RAPGEF5: variants seen among roughly 807,000 people sequenced by gnomAD.
The protein encoded by RAPGEF5 is M-Ras-regulated GEF.
Under a neutral mutation model 125.2 loss-of-function variants are expected in RAPGEF5, and 65 were observed. The ratio of observed to expected loss-of-function variants is 0.52; its 90% CI spans 0.43 to 0.64. The LOEUF is 0.64. Ranked by LOEUF, RAPGEF5 falls within the 30% of genes least tolerant of loss-of-function variation. The pLI is 0.00. For synonymous variants in RAPGEF5, 391 were observed against 385.9 expected (o/e 1.01, Z -0.16); for missense variants, 958 against 1,048.1 (o/e 0.91, Z 1.19).
chr7:22,154,404 T>C, intron 17 of RAPGEF5, 51 bp downstream of exon 17: 1 of 1,596,080 alleles, frequency 6.3e-7, no homozygotes, highest in South Asian at 1.1e-5. Context: ...CCTCCCTCCT[T>C]TTGAAGGAGA....
Position 22,118,857 on chromosome 7 carries a change from A to G in RAPGEF5, c.*3549T>C, listed in dbSNP as rs916794315. The stretch of plus-strand genomic sequence containing the variant: ...ACAGCTTTGCTTTATACAGTAATAC[A>G]TTTGCATCTAACTTTTTGGCAATTT... On this transcript the variant is annotated 3_prime_UTR_variant, in exon 26 of 26. Transcript: ENST00000665637. 6.6e-6 allele frequency: 1 copy of G among 152,610 alleles called. No homozygotes were observed. The highest frequency in any genetic ancestry group is 1.5e-5 in the Non-Finnish European group (1 of 68,036). The allele number at this position is 152,610 out of a possible 1,614,324, so 9.5% of individuals were successfully genotyped here.
At chr7:22,270,080 T>C (rs1344486965) in intron 6 of RAPGEF5, among the ~76,000 whole-genome samples, 1 of 152,258 alleles carries the variant, frequency 6.6e-6, no homozygotes, top group Non-Finnish European at 1.5e-5. Context: ...GCTTGCTTAC[T>C]TGTGTTGACC....
intron 7 of RAPGEF5, among the ~76,000 whole-genome samples, chr7:22,259,862 C>T (rs998211407): frequency 6.6e-6 from 1 of 152,166 alleles, no homozygotes; most frequent in African/African-American, 2.4e-5. Flanking sequence ...CCTCCCAAAG[C>T]GCTAGGATTA....
intron 18 of RAPGEF5, among the ~76,000 whole-genome samples, 172 bp from the exon 19 acceptor site, chr7:22,147,191 C>T (rs1000619863): frequency 2.6e-5 from 4 of 152,202 alleles, no homozygotes; most frequent in Middle Eastern, 3.2e-3. Context: ...ATTTAGGAAA[C>T]GGTCTTGGGA....
chr7:22,228,514 GTTT>G (rs1785974961), intron 8 of RAPGEF5, among the ~76,000 whole-genome samples: 1 of 151,858 alleles, frequency 6.6e-6, no homozygotes, highest in South Asian at 2.1e-4. Context: ...GTTTTGCTTT[GTTT>G]TCTTTTTTGA....
intron 5 of RAPGEF5, among the ~76,000 whole-genome samples, chr7:22,298,199 C>T (rs1383934248): frequency 6.3e-5 from 9 of 142,180 alleles, no homozygotes; most frequent in East Asian, 4.0e-4. Flanking sequence ...TTTTTTGAGA[C>T]GGAGTTTCAC....
chr7:22,343,427 C>A lies in RAPGEF5; in HGVS notation c.231+13403G>T, dbSNP rs567285319. Among the ~76,000 whole-genome samples the A allele has an allele frequency of 2.0e-5, 3 of 152,238 alleles. No individual in the cohort carries two copies. In the East Asian group the frequency reaches 5.8e-4, roughly 29 times the overall value. Reference sequence around the variant, plus strand: ...TCTTATACCTAAAGAATTGTAACAACAGAAAATTTGAGATTGGGGGCTTGT... The same window carrying A: ...TCTTATACCTAAAGAATTGTAACAAAAGAAAATTTGAGATTGGGGGCTTGT... On this transcript the variant is annotated intron_variant, in intron 1 of 25. Transcript: ENST00000665637.
intron 1 of RAPGEF5, among the ~76,000 whole-genome samples, chr7:22,348,294 T>C (rs1283238734): frequency 2.0e-5 from 3 of 152,198 alleles, no homozygotes; most frequent in Non-Finnish European, 1.5e-5. Context: ...AAGGTAAACA[T>C]ACCAAAATTT....
chr7:22,272,342 C>CA (rs1282857477), intron 6 of RAPGEF5, among the ~76,000 whole-genome samples: 2,065 of 35,020 alleles, frequency 0.059, 47 homozygotes, highest in South Asian at 0.12. Context: ...GACTCCGTCT[C>CA]AAAAAAAAAA....
At chr7:22,281,361 G>A (rs1023257225) in intron 6 of RAPGEF5, among the ~76,000 whole-genome samples, 10 of 152,154 alleles carry the variant, frequency 6.6e-5, no homozygotes, top group African/African-American at 1.4e-4. Flanking sequence ...ACAGGTGCAC[G>A]CCACCTCATC....
Position 22,226,560 on chromosome 7 carries a change from T to C in RAPGEF5, c.870+4286A>G, listed in dbSNP as rs146728056. On this transcript the variant is annotated intron_variant, in intron 8 of 25. Transcript: ENST00000665637. ...ATGAAAAAGCTCTCCCTGTTAGGGATAGAAGAATATGCCCCCTTGAGAATT... is the reference window on the plus strand; with the variant it reads ...ATGAAAAAGCTCTCCCTGTTAGGGACAGAAGAATATGCCCCCTTGAGAATT... Among the ~76,000 whole-genome samples, 301 of 152,280 alleles carry C rather than the reference T, an allele frequency of 2.0e-3. 1 individual carries two copies. Among genetic ancestry groups the C allele is most frequent in the African/African-American group, 6.4e-3 (268 of 41,552 alleles).
At chr7:22,208,794 A>G (rs971031183) in intron 9 of RAPGEF5, among the ~76,000 whole-genome samples, 5 of 152,206 alleles carry the variant, frequency 3.3e-5, no homozygotes, top group Non-Finnish European at 7.3e-5. Flanking sequence ...TGAGACCAGC[A>G]AGACACTCTT....
At chr7:22,245,100 G>A (rs1239987021) in intron 7 of RAPGEF5, among the ~76,000 whole-genome samples, 1 of 152,164 alleles carries the variant, frequency 6.6e-6, no homozygotes, top group African/African-American at 2.4e-5. Context: ...GCAGGAACCT[G>A]TTGGCTATTT....
At position 22,154,735 on chromosome 7, in the gene RAPGEF5, ACAGAGT is replaced by A. The variant is rs1783750480; in HGVS notation, c.1637-137_1637-132del. On this transcript the variant is annotated intron_variant, in intron 16 of 25. Transcript: ENST00000665637. ...GGCTATTCTCTTCAGTATAACACATACAGAGTTAGATTTTTTATATATGTACATGAG... is the reference window on the plus strand; with the variant it reads ...GGCTATTCTCTTCAGTATAACACATATAGATTTTTTATATATGTACATGAG... 4.3e-6 allele frequency: 4 copies of A among 938,256 alleles called. No homozygotes were observed. In the East Asian group the frequency reaches 1.1e-4, roughly 25 times the overall value. 58.1% of individuals were successfully genotyped at this position (938,256 alleles called of 1,614,324 possible).
intron 1 of RAPGEF5, among the ~76,000 whole-genome samples, chr7:22,339,388 T>C (rs57346490): frequency 1.3e-5 from 2 of 152,104 alleles, no homozygotes; most frequent in African/African-American, 2.4e-5. Context: ...CATTGCCACA[T>C]AGAAGACAGC....
intron 7 of RAPGEF5, among the ~76,000 whole-genome samples, chr7:22,261,573 C>T (rs2686473): frequency 0.42 from 63,226 of 152,072 alleles, 13,946 homozygotes; most frequent in East Asian, 0.71. Flanking sequence ...GAGCTGTGAG[C>T]TGTGACTGCG....
chr7:22,166,920 A>G (rs1784185277), intron 12 of RAPGEF5, 150 bp downstream of exon 12: 1 of 653,806 alleles, frequency 1.5e-6, no homozygotes, highest in Non-Finnish European at 2.7e-6. Context: ...GTCTCATTTC[A>G]TCTTCTACCT....
intron 8 of RAPGEF5, among the ~76,000 whole-genome samples, chr7:22,224,840 T>C (rs1013455413): frequency 6.6e-5 from 10 of 151,744 alleles, no homozygotes; most frequent in African/African-American, 1.9e-4. Flanking sequence ...GTTTTCTTTT[T>C]TTTTTTTTTT....
chr7:22,342,211 T>G (rs1296190049), intron 1 of RAPGEF5, among the ~76,000 whole-genome samples: 1 of 152,254 alleles, frequency 6.6e-6, no homozygotes, highest in Non-Finnish European at 1.5e-5. Flanking sequence ...AGCCAAAGCC[T>G]GAGCTCTATG....
Sources: allele counts gnomAD v4.1 joint callset (sites outside exome capture counted in the v4.1 genomes callset), GRCh38; gene constraint gnomAD v4.1.1; transcripts MANE v1.5; gene names NCBI Gene and HGNC (gene_info 2026-07-23, HGNC 2026-07-21).